The following KSR2 variants were observed in gnomAD, a reference collection of about 807,000 sequenced individuals.
KSR2 encodes the protein kinase suppressor of ras 2.
KSR2 carries 25 observed loss-of-function variants against 107.8 expected under a neutral mutation model. The ratio of observed to expected loss-of-function variants is 0.23; its 90% CI spans 0.17 to 0.32. The LOEUF is 0.32. Among genes scored for constraint, KSR2 ranks in the 10% least tolerant of loss-of-function variants. The probability of loss-of-function intolerance (pLI) is 1.00; values close to 1 mark genes in which losing one functional copy is unlikely to be tolerated. For synonymous variants in KSR2, 480 were observed against 507.0 expected (o/e 0.95, Z 0.71); for missense variants, 887 against 1,268.9 (o/e 0.70, Z 4.57).
intron 5 of KSR2, among the ~76,000 whole-genome samples, chr12:117,614,060 T>C (rs1881745172): frequency 1.3e-5 from 2 of 152,182 alleles, no homozygotes; most frequent in Admixed American, 6.5e-5. Flanking sequence ...TGATGGTACA[T>C]CCACAGTATG....
intron 1 of KSR2, among the ~76,000 whole-genome samples, chr12:117,883,554 C>T (rs1326201957): frequency 6.6e-6 from 1 of 152,148 alleles, no homozygotes; most frequent in Non-Finnish European, 1.5e-5. Flanking sequence ...CTACCCGGAC[C>T]AACCAAAGAA....
chr12:117,539,969 G>T, intron 9 of KSR2, 82 bp from the exon 10 acceptor site: 1 of 1,185,396 alleles, frequency 8.4e-7, no homozygotes, highest in Non-Finnish European at 1.2e-6. Context: ...AGCAGGAGAG[G>T]CCCCCACCCC....
intron 1 of KSR2, among the ~76,000 whole-genome samples, chr12:117,898,277 C>T (rs1344742664): frequency 1.3e-5 from 2 of 152,056 alleles, no homozygotes; most frequent in South Asian, 2.1e-4. Context: ...ATTTTGTCTT[C>T]CACTTTCTTT....
chr12:117,788,795 G>A (rs927434728), intron 3 of KSR2, among the ~76,000 whole-genome samples: 4 of 152,200 alleles, frequency 2.6e-5, no homozygotes, highest in African/African-American at 4.8e-5. Context: ...TTATAGGTGT[G>A]AGCCACATTG....
chr12:117,608,033 G>A (rs1440952131), intron 5 of KSR2, among the ~76,000 whole-genome samples: 1 of 152,226 alleles, frequency 6.6e-6, no homozygotes, highest in Non-Finnish European at 1.5e-5. Context: ...CACCCCTTGA[G>A]GGGAGGAAAC....
chr12:117,774,704 G>T (rs1367748306), intron 3 of KSR2, among the ~76,000 whole-genome samples: 2 of 152,138 alleles, frequency 1.3e-5, no homozygotes, highest in East Asian at 3.9e-4. Context: ...TCAAAGTACA[G>T]AATTCGGCAC....
intron 4 of KSR2, among the ~76,000 whole-genome samples, chr12:117,754,831 C>A (rs541815500): frequency 4.1e-4 from 62 of 152,144 alleles, no homozygotes; most frequent in South Asian, 8.3e-4. Context: ...GCCTTCCTAG[C>A]CTTCCTCCAA....
At chr12:117,559,053 T>C (rs1393967613) in intron 7 of KSR2, among the ~76,000 whole-genome samples, 1 of 150,358 alleles carries the variant, frequency 6.7e-6, no homozygotes, top group Non-Finnish European at 1.5e-5. Flanking sequence ...GATGGATGGA[T>C]GGATGGATGG....
chr12:117,899,614 C>T (rs1944852388), intron 1 of KSR2, among the ~76,000 whole-genome samples: 1 of 152,194 alleles, frequency 6.6e-6, no homozygotes, highest in South Asian at 2.1e-4. Context: ...TAGGCAGAAG[C>T]CTAAGATGGC....
intron 4 of KSR2, among the ~76,000 whole-genome samples, chr12:117,693,370 C>T (rs903272750): frequency 3.3e-5 from 5 of 152,214 alleles, no homozygotes; most frequent in Non-Finnish European, 7.3e-5. Context: ...CCACAAATGA[C>T]TTCCCATTCA....
chr12:117,784,178 A>G (rs1376317145), intron 3 of KSR2, among the ~76,000 whole-genome samples: 1 of 152,172 alleles, frequency 6.6e-6, no homozygotes, highest in Non-Finnish European at 1.5e-5. Flanking sequence ...GTCCCCACCC[A>G]AATCTCACCT....
chr12:117,925,904 A>G (rs1895502213), intron 1 of KSR2, among the ~76,000 whole-genome samples: 1 of 152,192 alleles, frequency 6.6e-6, no homozygotes, highest in Non-Finnish European at 1.5e-5. Flanking sequence ...GATATTCTTC[A>G]TGTAGGTCTG....
chr12:117,884,320 T>A (rs1894111684), intron 1 of KSR2, among the ~76,000 whole-genome samples: 2 of 152,124 alleles, frequency 1.3e-5, no homozygotes. Context: ...GACATGAGAA[T>A]GAGAATGAGA....
At chr12:117,519,057 T>C (rs975347809) in intron 14 of KSR2, among the ~76,000 whole-genome samples, 1 of 152,250 alleles carries the variant, frequency 6.6e-6, no homozygotes, top group Non-Finnish European at 1.5e-5. Context: ...CTGTAGACAC[T>C]GTGTTCTGAG....
chr12:117,885,201 G>T (rs1894139785), intron 1 of KSR2, among the ~76,000 whole-genome samples: 1 of 152,174 alleles, frequency 6.6e-6, no homozygotes, highest in African/African-American at 2.4e-5. Flanking sequence ...GACATGGCTG[G>T]ACCTGGAATC....
rs191440937 is a variant in KSR2, at chr12:117,498,815, C to A, written c.2220-13124G>T. Among the ~76,000 whole-genome samples the A allele has an allele frequency of 1.0e-3, 156 of 152,254 alleles. 1 individual carries two copies. Among genetic ancestry groups the A allele is most frequent in the African/African-American group, 3.2e-3 (135 of 41,544 alleles). Reference sequence around the variant, plus strand: ...GCGCAAGTTTTCTTCTCTTGTCTGCCGCCATGTGAGATGTGTCTTTCACCT... The same window carrying A: ...GCGCAAGTTTTCTTCTCTTGTCTGCAGCCATGTGAGATGTGTCTTTCACCT... On this transcript the variant is annotated intron_variant, in intron 14 of 19. Transcript: ENST00000339824.
At chr12:117,782,717 A>G (rs10431398) in intron 3 of KSR2, among the ~76,000 whole-genome samples, 87,190 of 152,064 alleles carry the variant, frequency 0.57, 26,689 homozygotes, top group African/African-American at 0.78. Context: ...TGTGTTTTAC[A>G]TGTTTTAAGC....
chr12:117,910,325 C>T (rs1409839550), intron 1 of KSR2, among the ~76,000 whole-genome samples: 1 of 152,134 alleles, frequency 6.6e-6, no homozygotes, highest in Non-Finnish European at 1.5e-5. Context: ...AACCTTCTGC[C>T]TATTAACCAA....
rs76858168 is a variant in KSR2, at chr12:117,934,213, G to A, written c.180+33863C>T. ...AGTAACAGCATCCCAGCTTTTGTTT[G>A]GAGAACATCCCTGCTTGGTCCACAG... On this transcript the variant is annotated intron_variant, in intron 1 of 19. Transcript: ENST00000339824. Among the ~76,000 whole-genome samples the A allele has an allele frequency of 4.8e-3, 732 of 152,200 alleles. 3 individuals carry two copies. Among genetic ancestry groups the A allele is most frequent in the African/African-American group, 0.017 (688 of 41,526 alleles).
Sources: gnomAD v4.1 joint callset for allele counts (sites outside exome capture counted in the v4.1 genomes callset) on GRCh38, gnomAD v4.1.1 for gene constraint, MANE v1.5 for transcripts, NCBI Gene and HGNC (gene_info 2026-07-23, HGNC 2026-07-21) for gene names.